Variants in PTER observed in about 807,000 individuals in gnomAD.
The protein encoded by PTER is phosphotriesterase related, also known as N-acetyltaurine hydrolase.
PTER carries 38 observed loss-of-function variants against 29.6 expected under a neutral mutation model. That is an observed-to-expected ratio of 1.28 (90% CI 0.99 to 1.68). PTER has a LOEUF of 1.68. Among genes scored for constraint, PTER ranks in the 40% most tolerant of loss-of-function variants. The pLI is 0.00. For missense variants in PTER, 482 were observed against 427.8 expected (o/e 1.13, Z -1.12); for synonymous variants, 172 against 154.5 (o/e 1.11, Z -0.84).
chr10:16,499,064 C>G (rs17138741), intron 3 of PTER, among the ~76,000 whole-genome samples: 12,127 of 152,144 alleles, frequency 0.08, 572 homozygotes, highest in East Asian at 0.15. Flanking sequence ...ACGGCCTCAA[C>G]ACAAAAGCAG....
chr10:16,447,992 C>T (rs1276294083), intron 1 of PTER, among the ~76,000 whole-genome samples: 3 of 152,248 alleles, frequency 2.0e-5, no homozygotes, highest in East Asian at 3.9e-4. Context: ...CTGTGTACAC[C>T]CTACTTTCTG....
At chr10:16,439,298 C>T (rs961088337) in intron 1 of PTER, among the ~76,000 whole-genome samples, 3 of 152,120 alleles carry the variant, frequency 2.0e-5, no homozygotes, top group African/African-American at 7.2e-5. Context: ...TTCCCCTTCC[C>T]TGTGAAGGAC....
At chr10:16,509,596 A>C (rs1053171832) in intron 4 of PTER, among the ~76,000 whole-genome samples, 1 of 152,230 alleles carries the variant, frequency 6.6e-6, no homozygotes, top group Non-Finnish European at 1.5e-5. Flanking sequence ...GTTGTGGATC[A>C]AGGTTTGTCA....
At position 16,456,864 on chromosome 10, in the gene PTER, G is replaced by GGC. The variant is rs1554787525; in HGVS notation, c.-49+19818_-49+19819insCG. ...AGGTAACTGAACCATGGGGAAGGTG[G>GGC]GGGGGGGTTCCGCCATGCTGTTCTC... is the stretch of plus-strand genomic sequence containing the variant. On this transcript the variant is annotated intron_variant, in intron 1 of 4. Transcript: ENST00000535784. Among the ~76,000 whole-genome samples the GGC allele has an allele frequency of 3.4e-5, 5 of 146,116 alleles. 1 individual carries two copies. The highest frequency in any genetic ancestry group is 7.0e-5 in the Admixed American group (1 of 14,364).
intron 1 of PTER, among the ~76,000 whole-genome samples, chr10:16,462,233 G>A (rs1034298532): frequency 9.2e-5 from 14 of 152,144 alleles, no homozygotes; most frequent in Middle Eastern, 3.4e-3. Context: ...CAATCCACCC[G>A]CCTCGGCCTC....
chr10:16,489,175 C>T lies in PTER; in HGVS notation c.698+2558C>T, dbSNP rs576755106. On this transcript the variant is annotated intron_variant, in intron 3 of 4. Coordinates refer to ENST00000535784, the MANE Select transcript of PTER (RefSeq NM_001261836.2). Reference sequence around the variant, plus strand: ...TTTGATCTTCCTATTTACTACTTCTCTTTCCAACGGAATCAATCTGTCACT... The same window carrying T: ...TTTGATCTTCCTATTTACTACTTCTTTTTCCAACGGAATCAATCTGTCACT... Among the ~76,000 whole-genome samples the T allele has an allele frequency of 5.3e-5, 8 of 152,278 alleles. 1 individual carries two copies. Among genetic ancestry groups the T allele is most frequent in the African/African-American group, 1.9e-4 (8 of 41,562 alleles).
At chr10:16,452,280 A>G (rs1278590588) in intron 1 of PTER, among the ~76,000 whole-genome samples, 4 of 143,508 alleles carry the variant, frequency 2.8e-5, no homozygotes, top group African/African-American at 1.1e-4. Flanking sequence ...AAAAAAGCCA[A>G]GCAGATTATT....
intron 1 of PTER, among the ~76,000 whole-genome samples, chr10:16,469,839 A>C (rs1315204365): frequency 6.6e-6 from 1 of 151,808 alleles, no homozygotes; most frequent in African/African-American, 2.4e-5. Context: ...CAGCCTCCCA[A>C]AGTGGTGCTG....
At chr10:16,501,556 C>T (rs955967493) in intron 3 of PTER, among the ~76,000 whole-genome samples, 1 of 152,140 alleles carries the variant, frequency 6.6e-6, no homozygotes, top group Admixed American at 6.5e-5. Context: ...TCCTTTCTTA[C>T]CTTTCTGGGA....
intron 1 of PTER, among the ~76,000 whole-genome samples, chr10:16,469,847 C>T (rs115564000): frequency 1.2e-3 from 185 of 151,624 alleles, no homozygotes; most frequent in African/African-American, 4.4e-3. Flanking sequence ...CAAAGTGGTG[C>T]TGGGGTTATA....
intron 1 of PTER, among the ~76,000 whole-genome samples, chr10:16,482,574 A>T (rs1371876311): frequency 3.3e-5 from 5 of 152,174 alleles, no homozygotes; most frequent in Admixed American, 2.0e-4. Context: ...AAGTCAAAGA[A>T]GGCTTTCAAG....
intron 1 of PTER, among the ~76,000 whole-genome samples, chr10:16,439,771 C>T (rs1039803190): frequency 5.3e-5 from 8 of 151,982 alleles, no homozygotes; most frequent in African/African-American, 1.7e-4. Context: ...TTTTGTTGCC[C>T]AGGCTGGTCT....
chr10:16,458,245 A>G (rs1834484317), intron 1 of PTER, among the ~76,000 whole-genome samples: 1 of 152,026 alleles, frequency 6.6e-6, no homozygotes. Flanking sequence ...TTAAGCTCTC[A>G]TATCACAACT....
At position 16,475,926 on chromosome 10, in the gene PTER, G is replaced by A. The variant is rs141681657; in HGVS notation, c.-48-8411G>A. On this transcript the variant is annotated intron_variant, in intron 1 of 4. Coordinates refer to ENST00000535784, the MANE Select transcript of PTER (RefSeq NM_001261836.2). ...ATTGCTAATTTTTTTGAAAGAACAA[G>A]TTTATGCTGATTTGTCCAAGGATAC... 5.9e-5 allele frequency: 9 copies of A among 152,302 alleles called. No individual in the cohort carries two copies. The East Asian group carries it at 1.7e-3, about 29-fold the overall frequency. The allele number at this position is 152,302 out of a possible 1,614,324, so 9.4% of individuals were successfully genotyped here.
intron 1 of PTER, among the ~76,000 whole-genome samples, chr10:16,477,356 T>C (rs956258713): frequency 6.6e-6 from 1 of 152,174 alleles, no homozygotes; most frequent in African/African-American, 2.4e-5. Context: ...TTTATTTTTT[T>C]TTTAGAGATG....
chr10:16,474,895 A>G (rs1386578033), intron 1 of PTER, among the ~76,000 whole-genome samples: 4 of 152,148 alleles, frequency 2.6e-5, no homozygotes, highest in Non-Finnish European at 5.9e-5. Flanking sequence ...TCAAAAAACA[A>G]AACAAAACAA....
At chr10:16,466,661 C>G (rs909370772) in intron 1 of PTER, among the ~76,000 whole-genome samples, 1 of 152,150 alleles carries the variant, frequency 6.6e-6, no homozygotes, top group African/African-American at 2.4e-5. Flanking sequence ...TGGCCTGATT[C>G]TTTTCAACTC....
chr10:16,469,066 A>G (rs1265893347), intron 1 of PTER, among the ~76,000 whole-genome samples: 1 of 152,162 alleles, frequency 6.6e-6, no homozygotes, highest in Non-Finnish European at 1.5e-5. Context: ...TTGACATCTT[A>G]CCTGTATTGC....
intron 3 of PTER, among the ~76,000 whole-genome samples, chr10:16,503,341 C>G (rs2133499335): frequency 6.6e-6 from 1 of 152,076 alleles, no homozygotes; most frequent in Admixed American, 6.5e-5. Context: ...ATTCTCATGC[C>G]TCAGCCTCCC....
Sources: gnomAD v4.1 joint callset for allele counts (sites outside exome capture counted in the v4.1 genomes callset) on GRCh38, gnomAD v4.1.1 for gene constraint, MANE v1.5 for transcripts, NCBI Gene and HGNC (gene_info 2026-07-23, HGNC 2026-07-21) for gene names.